AR: variants seen among roughly 807,000 people sequenced by gnomAD.
AR encodes dihydrotestosterone receptor.
Under a neutral mutation model 53.9 loss-of-function variants are expected in AR, and 8 were observed. That is an observed-to-expected ratio of 0.15 (90% confidence interval 0.09 to 0.27). The LOEUF is 0.27. Ranked by LOEUF, AR falls within the 10% of genes least tolerant of loss-of-function variation. The pLI, the probability that AR is intolerant of heterozygous loss-of-function variation, is 1.00. For missense variants in AR, 639 were observed against 742.5 expected (o/e 0.86, Z 1.62); for synonymous variants, 359 against 316.4 (o/e 1.13, Z -1.43).
chrX:67,571,629 T>G (rs1921817740), intron 1 of AR, among the ~76,000 whole-genome samples: 1 of 111,673 alleles, frequency 9.0e-6, no homozygotes, highest in African/African-American at 3.3e-5. Context: ...TACAAATGTT[T>G]CATAAATATT....
chrX:67,675,671 G>A (rs1444316153), intron 2 of AR, among the ~76,000 whole-genome samples: 1 of 111,782 alleles, frequency 8.9e-6, no homozygotes. Context: ...GCTGGGGGAG[G>A]GATGTTGTAG....
intron 3 of AR, among the ~76,000 whole-genome samples, chrX:67,687,624 C>T (rs1411059836): frequency 9.0e-6 from 1 of 111,657 alleles, no homozygotes; most frequent in Non-Finnish European, 1.9e-5. Context: ...GGAAGGGTGA[C>T]AAAGTGATTG....
At chrX:67,699,436 G>A (rs745415928) in intron 3 of AR, among the ~76,000 whole-genome samples, 4 of 112,035 alleles carry the variant, frequency 3.6e-5, no homozygotes, top group Non-Finnish European at 7.5e-5. Context: ...GGACCCCAAC[G>A]CCTTCAAAGC....
At chrX:67,716,685 G>C in intron 4 of AR, among the ~76,000 whole-genome samples, 1 of 111,635 alleles carries the variant, frequency 9.0e-6, no homozygotes, top group Non-Finnish European at 1.9e-5. Flanking sequence ...GAGGGAACAT[G>C]AAAGTGGTGA....
intron 2 of AR, among the ~76,000 whole-genome samples, chrX:67,673,045 T>G (rs2075875684): frequency 1.1e-5 from 1 of 93,171 alleles, no homozygotes; most frequent in African/African-American, 6.0e-5. Context: ...GGGTAAAAGT[T>G]TTTTTTTTTT....
chrX:67,599,489 T>C (rs191920874), intron 1 of AR, among the ~76,000 whole-genome samples: 1 of 111,717 alleles, frequency 9.0e-6, no homozygotes, highest in Non-Finnish European at 1.9e-5. Context: ...AAGCTTATAT[T>C]TGTCTTCCAG....
At chrX:67,675,678 G>A (rs1056045176) in intron 2 of AR, among the ~76,000 whole-genome samples, 2 of 112,011 alleles carry the variant, frequency 1.8e-5, no homozygotes, top group Admixed American at 9.5e-5. Flanking sequence ...GAGGGATGTT[G>A]TAGGCAATTC....
chrX:67,568,987 C>T (rs1374945438), intron 1 of AR: 14 of 1,210,252 alleles, frequency 1.2e-5, no homozygotes, highest in Non-Finnish European at 1.6e-5. Flanking sequence ...CCTGACATTG[C>T]CTGTCACTTT....
At chrX:67,661,768 A>C (rs999928691) in intron 2 of AR, among the ~76,000 whole-genome samples, 1 of 111,455 alleles carries the variant, frequency 9.0e-6, no homozygotes, top group Non-Finnish European at 1.9e-5. Flanking sequence ...AAGGAAGGGT[A>C]CCAGCTCCTC....
chrX:67,637,677 A>G (rs1451744560), intron 1 of AR, among the ~76,000 whole-genome samples: 1 of 110,695 alleles, frequency 9.0e-6, no homozygotes, highest in Non-Finnish European at 1.9e-5. Flanking sequence ...CTGTAGGCAC[A>G]ATGTTGTACA....
At chrX:67,689,033 A>G (rs2147501502) in intron 3 of AR, among the ~76,000 whole-genome samples, 1 of 111,646 alleles carries the variant, frequency 9.0e-6, no homozygotes, top group African/African-American at 3.3e-5. Flanking sequence ...ATATTCCAAA[A>G]TGGCAACTAG....
intron 1 of AR, among the ~76,000 whole-genome samples, chrX:67,591,550 C>A (rs1922832089): frequency 9.0e-6 from 1 of 111,571 alleles, no homozygotes. Flanking sequence ...TAGAGTACGC[C>A]CCTTGGTGAG....
At chrX:67,670,018 CA>C (rs35888906) in intron 2 of AR, among the ~76,000 whole-genome samples, 3 of 96,465 alleles carry the variant, frequency 3.1e-5, no homozygotes, top group Non-Finnish European at 6.2e-5. Flanking sequence ...TTAATAAGAA[CA>C]ATTATTATTT....
intron 1 of AR, among the ~76,000 whole-genome samples, chrX:67,635,049 C>T (rs998619686): frequency 9.2e-6 from 1 of 108,152 alleles, no homozygotes; most frequent in Non-Finnish European, 1.9e-5. Flanking sequence ...CCTACACCCC[C>T]GCAACCCCCA....
intron 1 of AR, among the ~76,000 whole-genome samples, chrX:67,589,136 G>A (rs1319030062): frequency 1.8e-5 from 2 of 111,748 alleles, no homozygotes; most frequent in South Asian, 3.7e-4. Flanking sequence ...GGTGGCGGGC[G>A]CCTGTAGTCC....
chrX:67,627,582 G>A (rs903198386), intron 1 of AR, among the ~76,000 whole-genome samples: 2 of 110,445 alleles, frequency 1.8e-5, no homozygotes, highest in Non-Finnish European at 3.8e-5. Flanking sequence ...TTTGTAGGTT[G>A]CCTGTTCAAT....
rs2076156644 is a variant in AR at position 67,726,095 on chromosome X, C to G, written c.*2254C>G. The stretch of plus-strand genomic sequence containing the variant: ...ATATGATCCACAAGGGTTTCCTTCC[C>G]TGATTTCTGCATTGATATTAATAGC... On this transcript the variant is annotated 3_prime_UTR_variant, in exon 8 of 8. Coordinates refer to ENST00000374690, the MANE Select transcript of AR (RefSeq NM_000044.6). 1 of 174,179 alleles carries G rather than the reference C, an allele frequency of 5.7e-6. No homozygotes were observed. The highest frequency in any genetic ancestry group is 3.1e-4 in the South Asian group (1 of 3,207). The allele number at this position is 174,179 out of a possible 1,213,427, so 14.4% of individuals were successfully genotyped here.
At position 67,702,452 on chromosome X, in the gene AR, A is replaced by C. The variant is rs775097061; in HGVS notation, c.1886-8950A>C. Among the ~76,000 whole-genome samples, 13 of 112,093 alleles carry C rather than the reference A, an allele frequency of 1.2e-4. No individual in the cohort carries two copies. The Middle Eastern group carries it at 0.014, about 119-fold the overall frequency. ...TGGGGTTCAGGCCTCTAACTCAAGA[A>C]GATGGTCTTGGCCCAGATCATACCT... On this transcript the variant is annotated intron_variant, in intron 3 of 7. Coordinates refer to ENST00000374690, the MANE Select transcript of AR (RefSeq NM_000044.6).
chrX:67,678,066 C>G (rs1170635965), intron 2 of AR, among the ~76,000 whole-genome samples: 1 of 110,657 alleles, frequency 9.0e-6, no homozygotes, highest in African/African-American at 3.3e-5. Context: ...GTTTCAGTTT[C>G]TCAATCTGTA....
Sources: gnomAD v4.1 joint callset for allele counts (sites outside exome capture counted in the v4.1 genomes callset) on GRCh38, gnomAD v4.1.1 for gene constraint, MANE v1.5 for transcripts, NCBI Gene and HGNC (gene_info 2026-07-23, HGNC 2026-07-21) for gene names.